The following TRRAP variants were observed in gnomAD, a reference collection of about 807,000 sequenced individuals.
TRRAP encodes transformation/transcription domain associated protein, also known as transformation/transcription domain-associated protein.
Under a neutral mutation model 438.8 loss-of-function variants are expected in TRRAP, and 41 were observed. The ratio of observed to expected loss-of-function variants is 0.09; its 90% CI spans 0.07 to 0.12. The LOEUF is 0.12. Among genes scored for constraint, TRRAP ranks in the 10% least tolerant of loss-of-function variants. The pLI is 1.00. For synonymous variants in TRRAP, 1,994 were observed against 1,962.9 expected (o/e 1.02, Z -0.42); for missense variants, 3,122 against 5,055.1 (o/e 0.62, Z 11.60).
Position 98,976,453 on chromosome 7 carries a change from A to C in TRRAP, c.7960-30A>C, listed in dbSNP as rs376756984. On this transcript the variant is annotated intron_variant, in intron 54 of 72. Coordinates refer to ENST00000456197, the MANE Select transcript of TRRAP (RefSeq NM_001375524.1). The surrounding 1 kb of genome is among the most constrained non-coding windows in gnomAD (Gnocchi z 4.6). ...GCAAGACTTGCCGATTTTTGAATGAAGGCCTAAATGACATGTGCTTTGGTT... is the reference window on the plus strand; with the variant it reads ...GCAAGACTTGCCGATTTTTGAATGACGGCCTAAATGACATGTGCTTTGGTT... 103 of 1,590,782 alleles carry C rather than the reference A, an allele frequency of 6.5e-5. No homozygotes were observed. Among genetic ancestry groups the C allele is most frequent in the Non-Finnish European group, 8.5e-5 (99 of 1,169,490 alleles).
intron 33 of TRRAP, 97 bp downstream of exon 33, chr7:98,946,047 C>T (rs546637105): frequency 2.2e-4 from 276 of 1,251,148 alleles, no homozygotes; most frequent in Admixed American, 9.3e-4. Flanking sequence ...GGACAGAGTG[C>T]GTTGTGCCCT....
In TRRAP at chr7:98,945,943, GGGT is replaced by G. The variant is rs1239322939; in HGVS notation, c.4542_4544del (p.Val1515del). On this transcript the variant is annotated inframe_deletion, in exon 33 of 73. Transcript: ENST00000456197. ...GTTTTGGTTCAGCCTGCCATGGAAG[GGGT>G]AGAGGTGAGAACTTGAGCGGAGCTA... The G allele has an allele frequency of 1.4e-6, 2 of 1,481,456 alleles. No homozygotes were observed. The highest frequency in any genetic ancestry group is 4.4e-5 in the Admixed American group (2 of 45,008). The allele number at this position is 1,481,456 out of a possible 1,614,324, so 91.8% of individuals were successfully genotyped here.
chr7:98,917,290 T>C (rs1789557929), intron 19 of TRRAP, 133 bp from the exon 20 acceptor site: 2 of 1,272,258 alleles, frequency 1.6e-6, no homozygotes, highest in Admixed American at 4.3e-5. Flanking sequence ...GGGTGGAGTC[T>C]AAGGGCACAG....
At chr7:98,941,825 A>G (rs1182652134) in intron 30 of TRRAP, among the ~76,000 whole-genome samples, 1 of 152,140 alleles carries the variant, frequency 6.6e-6, no homozygotes, top group East Asian at 1.9e-4. Flanking sequence ...TTGGCCACGT[A>G]AGGTTGGGAA....
rs782247157 is a variant in TRRAP, at chr7:98,908,846, C to T, written c.1234C>T (p.Pro412Ser). Residue 412 changes from proline to serine, a missense_variant, in exon 14 of 73, where the codon CCC becomes TCC. Around this residue, in one of 24 missense-constraint regions of TRRAP, gnomAD observed 343 missense variants for 564.0 expected, o/e 0.61. Transcript: ENST00000456197. This position sits in a 1 kb window ranked among gnomAD's most constrained non-coding sequence, Gnocchi z 4.1. ...CAAGAACATCGACGATGAGTCCCTG[C>T]CCAGCAGCATCCAGACCATGTCCTG... ...FAKNIDDESLPSSIQTMSCKL... is the reference protein window; with the variant it reads ...FAKNIDDESLSSSIQTMSCKL... The T allele has an allele frequency of 6.2e-7, 1 of 1,613,626 alleles. No individual in the cohort carries two copies. The highest frequency in any genetic ancestry group is 1.7e-5 in the Admixed American group (1 of 59,948).
Position 98,931,508 on chromosome 7 carries a change from C to T in TRRAP, c.3695C>T (p.Ala1232Val). Residue 1232 changes from alanine (A) to valine (V), a missense_variant, in exon 26 of 73, where the codon GCC becomes GTC. Around this residue, in one of 24 missense-constraint regions of TRRAP, gnomAD observed 153 missense variants for 223.0 expected, o/e 0.69. Transcript: ENST00000456197. The stretch of plus-strand genomic sequence containing the variant: ...GAGGAGAGAGCCGAAGAGATCGTGG[C>T]CGCCCAGGAAAAGTCTTTCCACCAT... ...KDEERAEEIV[A>V]AQEKSFHHVT... 1.2e-5 allele frequency: 20 copies of T among 1,614,042 alleles called. No individual in the cohort carries two copies. The highest frequency in any genetic ancestry group is 1.7e-5 in the Non-Finnish European group (20 of 1,179,952).
chr7:98,937,934 G>C, intron 30 of TRRAP, 114 bp downstream of exon 30: 1 of 1,221,760 alleles, frequency 8.2e-7, no homozygotes, highest in Non-Finnish European at 1.1e-6. Flanking sequence ...CAGCACTTTG[G>C]GAGGCCGAGG....
chr7:98,970,583 C>T (rs1254760148), intron 52 of TRRAP, among the ~76,000 whole-genome samples: 4 of 147,370 alleles, frequency 2.7e-5, no homozygotes, highest in Non-Finnish European at 5.9e-5. Context: ...AATGTGGTAC[C>T]TAAGTTCAGC....
At chr7:98,920,342 T>G in intron 20 of TRRAP, among the ~76,000 whole-genome samples, 1 of 152,058 alleles carries the variant, frequency 6.6e-6, no homozygotes, top group East Asian at 1.9e-4. Flanking sequence ...GGTGCATGCC[T>G]GTAATCTTAG....
chr7:98,994,712 G>T lies in TRRAP; in HGVS notation c.10173G>T (p.Thr3391=). 6.2e-7 allele frequency: 1 copy of T among 1,614,230 alleles called. No homozygotes were observed. Among genetic ancestry groups the T allele is most frequent in the Non-Finnish European group, 8.5e-7 (1 of 1,180,044 alleles). ...TLNFVKKLVS[T]FGVGLENVSN... ...ATTTTGTGAAGAAGTTGGTGAGCAC[G>T]TTTGGGGTGGGCCTGGAGAATGTGT... is the stretch of plus-strand genomic sequence containing the variant. The change falls in exon 67 of 73, where the codon ACG becomes ACT. Residue 3391 remains threonine, a synonymous_variant. Coordinates refer to ENST00000456197, the MANE Select transcript of TRRAP (RefSeq NM_001375524.1). This position sits in a 1 kb window ranked among gnomAD's most constrained non-coding sequence, Gnocchi z 4.8.
intron 63 of TRRAP, among the ~76,000 whole-genome samples, chr7:98,990,189 C>T (rs745786056): frequency 5.3e-5 from 8 of 152,110 alleles, no homozygotes; most frequent in Admixed American, 6.6e-5. Flanking sequence ...GATCGCACCA[C>T]GGCACTCCAG....
In TRRAP at chr7:98,976,194, A is replaced by G. The variant is rs769616652; in HGVS notation, c.7885A>G (p.Thr2629Ala). The change falls in exon 54 of 73, where the codon ACG (threonine) becomes GCG (alanine). Residue 2629 changes from threonine to alanine, a missense_variant. This residue lies in a region of TRRAP where 992 missense variants were observed against 1,281.2 expected (regional missense o/e 0.77). Transcript: ENST00000456197. This position sits in a 1 kb window ranked among gnomAD's most constrained non-coding sequence, Gnocchi z 4.6. ...TTTCGTTCAGCTGTGCCACATTTCC[A>G]CGACGCTGGCAGAGAAGACGTGGGT... ...SAFVQLCHISTTLAEKTWVQL... is the reference protein window; with the variant it reads ...SAFVQLCHISATLAEKTWVQL... 1 of 1,614,104 alleles carries G rather than the reference A, an allele frequency of 6.2e-7. No individual in the cohort carries two copies. The highest frequency in any genetic ancestry group is 8.5e-7 in the Non-Finnish European group (1 of 1,179,998).
chr7:98,911,923 T>C (rs1789295835), intron 17 of TRRAP, 99 bp from the exon 18 acceptor site: 1 of 1,098,188 alleles, frequency 9.1e-7, no homozygotes, highest in African/African-American at 1.6e-5. Flanking sequence ...GAATGTGTGA[T>C]ACAGGCTTGG....
At chr7:99,007,727 C>T (rs914486689) in intron 69 of TRRAP, among the ~76,000 whole-genome samples, 1 of 152,072 alleles carries the variant, frequency 6.6e-6, no homozygotes, top group African/African-American at 2.4e-5. Flanking sequence ...CAGCTCACTG[C>T]AGCCTCCAAC....
chr7:99,004,992 G>T, intron 68 of TRRAP, 139 bp from the exon 69 acceptor site: 3 of 777,578 alleles, frequency 3.9e-6, no homozygotes, highest in Non-Finnish European at 4.2e-6. Context: ...GTGAGGCAGG[G>T]TACAAATAAA....
chr7:98,902,601 T>G (rs1796518087), intron 11 of TRRAP, among the ~76,000 whole-genome samples: 1 of 130,400 alleles, frequency 7.7e-6, no homozygotes, highest in Admixed American at 8.1e-5. Flanking sequence ...AATGGAACAT[T>G]TGGTGTAAAA....
chr7:98,998,965 C>G (rs1397830186), intron 67 of TRRAP: 4 of 594,240 alleles, frequency 6.7e-6, no homozygotes, highest in Non-Finnish European at 1.2e-5. Context: ...GGAGCAGATG[C>G]CCGTGGTACA....
At chr7:98,922,268 G>C (rs1377776020) in intron 21 of TRRAP, among the ~76,000 whole-genome samples, 1 of 152,180 alleles carries the variant, frequency 6.6e-6, no homozygotes, top group African/African-American at 2.4e-5. Flanking sequence ...GTCCATGCCT[G>C]TCTGTCTTCG....
chr7:98,984,952 A>G lies in TRRAP; in HGVS notation c.9297A>G (p.Glu3099=). Residue 3099 remains glutamate (E), a synonymous_variant, in exon 62 of 73, where the codon GAA becomes GAG. Transcript: ENST00000456197. ...MGKNECMQGL[E]VIESTNLKYF... ...TCATTTTTTTTGAACAGGGCCTTGAAGTTATTGAATCTACAAATTTAAAAT... is the reference window on the plus strand; with the variant it reads ...TCATTTTTTTTGAACAGGGCCTTGAGGTTATTGAATCTACAAATTTAAAAT... 1 of 1,609,866 alleles carries G rather than the reference A, an allele frequency of 6.2e-7. No individual in the cohort carries two copies. The highest frequency in any genetic ancestry group is 8.5e-7 in the Non-Finnish European group (1 of 1,177,644).
Sources: allele counts gnomAD v4.1 joint callset (sites outside exome capture counted in the v4.1 genomes callset), GRCh38; gene constraint gnomAD v4.1.1; regional missense constraint gnomAD v4.1.1; non-coding constraint Gnocchi (gnomAD v3.1); transcripts MANE v1.5; gene names NCBI Gene and HGNC (gene_info 2026-07-23, HGNC 2026-07-21).